PLCB1: variants seen among roughly 807,000 people sequenced by gnomAD.
PLCB1 encodes 1-phosphatidylinositol 4,5-bisphosphate phosphodiesterase beta-1.
In PLCB1, 46 loss-of-function variants were observed where a neutral mutation model predicts 161.8. That is an observed-to-expected ratio of 0.28 (90% CI 0.22 to 0.36). The LOEUF is 0.36. Among genes scored for constraint, PLCB1 ranks in the 10% least tolerant of loss-of-function variants. The probability of loss-of-function intolerance (pLI) is 1.00; values close to 1 mark genes in which losing one functional copy is unlikely to be tolerated. For synonymous variants in PLCB1, 517 were observed against 503.7 expected, an observed-to-expected ratio of 1.03 and a Z score of -0.35; for missense variants, 1,016 against 1,472.5, an observed-to-expected ratio of 0.69 and a Z score of 5.07.
intron 2 of PLCB1, among the ~76,000 whole-genome samples, chr20:8,322,998 C>T (rs1984985195): frequency 6.6e-6 from 1 of 152,134 alleles, no homozygotes; most frequent in Non-Finnish European, 1.5e-5. Context: ...TGAGGCTCTT[C>T]AAAGAAGCTT....
chr20:8,611,045 GA>G (rs1398502551), intron 3 of PLCB1, among the ~76,000 whole-genome samples: 1 of 151,670 alleles, frequency 6.6e-6, no homozygotes, highest in South Asian at 2.1e-4. Flanking sequence ...GGTTTTCTAG[GA>G]AAATCAACCT....
At chr20:8,840,461 A>G (rs981004014) in intron 31 of PLCB1, among the ~76,000 whole-genome samples, 4 of 152,216 alleles carry the variant, frequency 2.6e-5, no homozygotes, top group African/African-American at 9.6e-5. Flanking sequence ...AGTAGCAAGA[A>G]CATGGTGAGC....
intron 2 of PLCB1, among the ~76,000 whole-genome samples, chr20:8,193,419 A>AT (rs2051990966): frequency 1.3e-5 from 2 of 152,022 alleles, no homozygotes; most frequent in Non-Finnish European, 2.9e-5. Flanking sequence ...TTAAAAAAAA[A>AT]GGAGAAGAAA....
intron 2 of PLCB1, among the ~76,000 whole-genome samples, chr20:8,296,432 ATATG>A (rs1983634382): frequency 6.6e-6 from 1 of 152,182 alleles, no homozygotes; most frequent in Non-Finnish European, 1.5e-5. Context: ...AAGGACAAGT[ATATG>A]CCCTCCAAGA....
At chr20:8,692,946 A>G (rs1990513025) in intron 10 of PLCB1, among the ~76,000 whole-genome samples, 1 of 152,176 alleles carries the variant, frequency 6.6e-6, no homozygotes, top group South Asian at 2.1e-4. Context: ...CATGGGCCAC[A>G]GAACTACCAT....
chr20:8,677,840 T>G (rs1238808798), intron 9 of PLCB1, among the ~76,000 whole-genome samples: 3 of 152,172 alleles, frequency 2.0e-5, no homozygotes, highest in Admixed American at 2.0e-4. Context: ...CTCAAGAAAC[T>G]TAACATTCAT....
intron 15 of PLCB1, among the ~76,000 whole-genome samples, chr20:8,724,178 T>TTA (rs112403802): frequency 4.7e-5 from 7 of 147,928 alleles, no homozygotes; most frequent in South Asian, 2.1e-4. Flanking sequence ...TTTATTTATA[T>TTA]AAAAAAAAAA....
At chr20:8,780,449 T>C (rs1426635328) in intron 27 of PLCB1, among the ~76,000 whole-genome samples, 1 of 152,216 alleles carries the variant, frequency 6.6e-6, no homozygotes, top group East Asian at 1.9e-4. Flanking sequence ...AGAGCCTTGC[T>C]TTGCTTCACT....
chr20:8,765,505 G>C, intron 26 of PLCB1, 147 bp downstream of exon 26: 1 of 626,778 alleles, frequency 1.6e-6, no homozygotes, highest in Non-Finnish European at 2.8e-6. Context: ...TGGCACCTTA[G>C]CCCAGATTTG....
At chr20:8,223,196 A>C (rs1979505933) in intron 2 of PLCB1, among the ~76,000 whole-genome samples, 1 of 152,178 alleles carries the variant, frequency 6.6e-6, no homozygotes, top group Admixed American at 6.6e-5. Context: ...TGCCCTGCTA[A>C]GGAGTCTTGC....
rs775843904 is a variant in PLCB1, at chr20:8,757,050, A to T, written c.2528A>T (p.Asp843Val). The T allele has an allele frequency of 1.2e-6, 2 of 1,602,828 alleles. No homozygotes were observed. The highest frequency in any genetic ancestry group is 1.1e-5 in the South Asian group (1 of 89,348). ...EDEEEVKKEADPGETPSEAPS... is the reference protein window; with the variant it reads ...EDEEEVKKEAVPGETPSEAPS... ...AAAGGATATTTATAATTTTAGGCTGATCCTGGAGAAACACCATCAGAGGCT... is the reference window on the plus strand; with the variant it reads ...AAAGGATATTTATAATTTTAGGCTGTTCCTGGAGAAACACCATCAGAGGCT... The change falls in exon 24 of 32, where the codon GAT becomes GTT. Residue 843 changes from aspartate (D) to valine (V), a missense_variant. By Grantham distance (152) the Asp-to-Val change is radical. Coordinates refer to ENST00000338037, the MANE Select transcript of PLCB1 (RefSeq NM_015192.4).
chr20:8,638,106 A>G (rs1304716305), intron 4 of PLCB1, among the ~76,000 whole-genome samples: 2 of 152,046 alleles, frequency 1.3e-5, no homozygotes, highest in Non-Finnish European at 2.9e-5. Flanking sequence ...ATGTTAGCCA[A>G]GATGGTCTCG....
chr20:8,782,012 A>T (rs1983265120), intron 27 of PLCB1, among the ~76,000 whole-genome samples: 1 of 152,184 alleles, frequency 6.6e-6, no homozygotes, highest in Non-Finnish European at 1.5e-5. Flanking sequence ...CCTTGGTCAG[A>T]CTTTCACATT....
At chr20:8,135,471 G>T (rs2051335787) in intron 1 of PLCB1, among the ~76,000 whole-genome samples, 1 of 152,104 alleles carries the variant, frequency 6.6e-6, no homozygotes, top group Non-Finnish European at 1.5e-5. Flanking sequence ...ATGCTCTAAG[G>T]GTGGTAGTCG....
chr20:8,839,296 G>A (rs1221126117), intron 31 of PLCB1, among the ~76,000 whole-genome samples: 4 of 152,110 alleles, frequency 2.6e-5, no homozygotes, highest in African/African-American at 9.7e-5. Flanking sequence ...CAAAAAAGAC[G>A]GACAATGCCT....
intron 7 of PLCB1, among the ~76,000 whole-genome samples, chr20:8,655,129 T>A (rs1989423426): frequency 6.6e-6 from 1 of 152,152 alleles, no homozygotes; most frequent in Non-Finnish European, 1.5e-5. Flanking sequence ...CTCTTTAATT[T>A]GACTCCTCCT....
chr20:8,172,777 C>A (rs2051745695), intron 2 of PLCB1, among the ~76,000 whole-genome samples: 1 of 152,156 alleles, frequency 6.6e-6, no homozygotes, highest in Non-Finnish European at 1.5e-5. Flanking sequence ...AGGCAACCAG[C>A]AGAGGACTCT....
chr20:8,681,084 G>GCA (rs1555782769), intron 9 of PLCB1, among the ~76,000 whole-genome samples: 91 of 39,748 alleles, frequency 2.3e-3, no homozygotes, highest in African/African-American at 0.011. Flanking sequence ...ATATGTGTGT[G>GCA]TGTATATATA....
At chr20:8,876,605 C>G (rs373678886) in intron 31 of PLCB1, among the ~76,000 whole-genome samples, 43 of 152,296 alleles carry the variant, frequency 2.8e-4, no homozygotes, top group South Asian at 2.7e-3. Flanking sequence ...AGTCACAAAA[C>G]AAGCATTTGC....
Sources: gnomAD v4.1 joint callset for allele counts (sites outside exome capture counted in the v4.1 genomes callset) on GRCh38, gnomAD v4.1.1 for gene constraint, MANE v1.5 for transcripts, NCBI Gene and HGNC (gene_info 2026-07-23, HGNC 2026-07-21) for gene names.